Variants in PSMA1 observed in about 807,000 individuals in gnomAD.
The protein encoded by PSMA1 is proteasome subunit alpha type-1.
In PSMA1, 3 loss-of-function variants were observed where a neutral mutation model predicts 38.4. That is an observed-to-expected ratio of 0.08 (90% CI 0.04 to 0.20). The LOEUF (loss-of-function observed/expected upper bound fraction) is 0.20. PSMA1 is among the 10% of genes least tolerant of loss of function. The pLI is 1.00. For missense variants in PSMA1, 227 were observed against 325.3 expected (o/e 0.70, Z 2.32); for synonymous variants, 101 against 107.1 (o/e 0.94, Z 0.35).
intron 2 of PSMA1, among the ~76,000 whole-genome samples, chr11:14,535,845 G>A (rs994421497): frequency 6.6e-6 from 1 of 152,066 alleles, no homozygotes; most frequent in African/African-American, 2.4e-5. Flanking sequence ...AATTAGTGTT[G>A]TTTTTCTGTT....
intron 1 of PSMA1, among the ~76,000 whole-genome samples, chr11:14,638,563 ATATATATATATATATATATATATTTTTT>A (rs1853149357): frequency 7.2e-5 from 1 of 13,936 alleles, no homozygotes; most frequent in East Asian, 1.6e-3. Flanking sequence ...ATATATATAT[ATATATATATATATATATATATATTTTTT>A]TTTTTTTTTT....
chr11:14,535,328 G>T (rs1281277834), intron 2 of PSMA1, among the ~76,000 whole-genome samples: 1 of 151,778 alleles, frequency 6.6e-6, no homozygotes, highest in East Asian at 1.9e-4. Context: ...TGGCACACTT[G>T]AGTTGTTTAG....
intron 2 of PSMA1, among the ~76,000 whole-genome samples, chr11:14,597,016 T>C (rs1852505041): frequency 6.6e-6 from 1 of 152,224 alleles, no homozygotes; most frequent in Admixed American, 6.5e-5. Flanking sequence ...GTGGTTTTTC[T>C]CCTTGGTTCT....
chr11:14,513,481 G>T, intron 7 of PSMA1, 89 bp downstream of exon 7: 1 of 1,214,588 alleles, frequency 8.2e-7, no homozygotes. Flanking sequence ...AAGACTTACA[G>T]TTTTATGCAT....
At position 14,612,802 on chromosome 11, in the gene PSMA1, C is replaced by A. The variant is rs368641712; in HGVS notation, c.-165-1651G>T. ...ATCATATGATCTGTGGGTGACTGGG[C>A]CTGGTCATAATTTAACTTGAGGTCC... is the stretch of plus-strand genomic sequence containing the variant. On this transcript the variant is annotated intron_variant, in intron 1 of 10. Transcript: ENST00000418988. Among the ~76,000 whole-genome samples, 346 of 152,158 alleles carry A rather than the reference C, an allele frequency of 2.3e-3. 4 individuals carry two copies. Among genetic ancestry groups the A allele is most frequent in the African/African-American group, 8.0e-3 (333 of 41,492 alleles).
chr11:14,614,508 G>T (rs1048592456), intron 1 of PSMA1, among the ~76,000 whole-genome samples: 5 of 151,916 alleles, frequency 3.3e-5, no homozygotes, highest in Non-Finnish European at 7.4e-5. Context: ...AGATATTTCT[G>T]TTAGTGATCC....
At chr11:14,559,509 G>A (rs1266997060) in intron 2 of PSMA1, among the ~76,000 whole-genome samples, 27 of 152,178 alleles carry the variant, frequency 1.8e-4, no homozygotes. Flanking sequence ...CTTTCTGGAA[G>A]GATGGGATGG....
At chr11:14,548,324 G>A (rs1041885755) in intron 2 of PSMA1, among the ~76,000 whole-genome samples, 11 of 152,092 alleles carry the variant, frequency 7.2e-5, no homozygotes, top group African/African-American at 2.4e-4. Context: ...GGTGGTAGAG[G>A]TGGATTTCAA....
intron 1 of PSMA1, 101 bp from the exon 2 acceptor site, chr11:14,519,142 A>C: frequency 1.0e-6 from 1 of 978,808 alleles, no homozygotes; most frequent in African/African-American, 1.6e-5. Context: ...TTCAATGTTA[A>C]GGCACTCTGT....
intron 2 of PSMA1, among the ~76,000 whole-genome samples, chr11:14,538,733 T>G (rs1589986821): frequency 6.6e-6 from 1 of 152,232 alleles, no homozygotes; most frequent in East Asian, 1.9e-4. Flanking sequence ...GGAGTGTGTG[T>G]GGGCAGCTTG....
intron 1 of PSMA1, among the ~76,000 whole-genome samples, chr11:14,636,129 T>C (rs1478951594): frequency 6.6e-6 from 1 of 152,214 alleles, no homozygotes; most frequent in African/African-American, 2.4e-5. Flanking sequence ...TTTTCCTGGC[T>C]AAACTTTCTA....
intron 1 of PSMA1, among the ~76,000 whole-genome samples, chr11:14,634,900 G>A (rs1004681410): frequency 6.6e-5 from 10 of 152,192 alleles, no homozygotes; most frequent in African/African-American, 1.4e-4. Context: ...GAGTGAGATT[G>A]ATGAAGGATG....
intron 2 of PSMA1, among the ~76,000 whole-genome samples, chr11:14,587,561 A>G (rs1852362253): frequency 6.6e-6 from 1 of 150,574 alleles, no homozygotes; most frequent in Non-Finnish European, 1.5e-5. Flanking sequence ...TGTTGAAACA[A>G]TTTCCCTTCC....
intron 6 of PSMA1, 36 bp from the exon 7 acceptor site, chr11:14,513,735 A>C: frequency 1.3e-6 from 2 of 1,552,496 alleles, no homozygotes; most frequent in Non-Finnish European, 1.7e-6. Context: ...ATAATTATTT[A>C]CTTTGGTTGA....
At chr11:14,552,571 A>G (rs1851898073) in intron 2 of PSMA1, among the ~76,000 whole-genome samples, 1 of 152,138 alleles carries the variant, frequency 6.6e-6, no homozygotes, top group Non-Finnish European at 1.5e-5. Flanking sequence ...CTCTATGGTA[A>G]TAAGTGCTAT....
Position 14,507,897 on chromosome 11 carries a change from T to C in PSMA1, c.625-131A>G, listed in dbSNP as rs999059795. 25 of 621,184 alleles carry C rather than the reference T, an allele frequency of 4.0e-5. No homozygotes were observed. The East Asian group carries it at 5.7e-4, about 14-fold the overall frequency. The allele number at this position is 621,184 out of a possible 1,614,324, so 38.5% of individuals were successfully genotyped here. A position where few individuals can be genotyped will look rare whatever the true frequency, so the allele number is the denominator to read the frequency against. On this transcript the variant is annotated intron_variant, in intron 8 of 9. Transcript: ENST00000396394. ...TGAATAAAACCTTAAAAACCACTTATGTGTAGGAGAAAAAAGAAGGAAACT... is the reference window on the plus strand; with the variant it reads ...TGAATAAAACCTTAAAAACCACTTACGTGTAGGAGAAAAAAGAAGGAAACT...
chr11:14,550,968 A>T (rs193152469), intron 2 of PSMA1, among the ~76,000 whole-genome samples: 36 of 152,242 alleles, frequency 2.4e-4, no homozygotes, highest in African/African-American at 7.2e-4. Flanking sequence ...GACTTGCTTG[A>T]CCTAACTAGG....
At chr11:14,557,455 G>A (rs1851953307) in intron 2 of PSMA1, among the ~76,000 whole-genome samples, 1 of 152,112 alleles carries the variant, frequency 6.6e-6, no homozygotes, top group Non-Finnish European at 1.5e-5. Context: ...TGTTGGCCAG[G>A]ATGGTCTCGA....
intron 2 of PSMA1, among the ~76,000 whole-genome samples, chr11:14,561,126 T>C (rs563924837): frequency 6.6e-6 from 1 of 152,256 alleles, no homozygotes; most frequent in Admixed American, 6.5e-5. Context: ...CATAAAAATA[T>C]TAACTGCTAA....
Sources: gnomAD v4.1 joint callset for allele counts (sites outside exome capture counted in the v4.1 genomes callset) on GRCh38, gnomAD v4.1.1 for gene constraint, MANE v1.5 for transcripts, NCBI Gene and HGNC (gene_info 2026-07-23, HGNC 2026-07-21) for gene names.